TADA3: variants seen among roughly 807,000 people sequenced by gnomAD.
The protein encoded by TADA3 is transcriptional adaptor 3, also known as transcriptional adapter 3.
A neutral mutation model predicts 43.2 loss-of-function variants in TADA3; 25 were observed. The observed-to-expected ratio is 0.58, with a 90% CI of 0.42 to 0.81. The LOEUF (loss-of-function observed/expected upper bound fraction) is 0.81, where lower values mean the gene tolerates loss of function less well. Ranked by LOEUF, TADA3 falls within the 30% of genes least tolerant of loss-of-function variation. The pLI, the probability that TADA3 is intolerant of heterozygous loss-of-function variation, is 0.00. For missense variants in TADA3, 441 were observed against 567.8 expected (o/e 0.78, Z 2.27); for synonymous variants, 235 against 225.5 (o/e 1.04, Z -0.38).
At chr3:9,792,474 G>A (rs2078762876), upstream of TADA3, 1 of 1,195,944 alleles carries the variant, frequency 8.4e-7, no homozygotes, top group Non-Finnish European at 1.0e-6. Context: ...CCCCGGAACT[G>A]GCTATGGGCG....
At chr3:9,786,966 CAA>C in intron 6 of TADA3, 38 bp downstream of exon 6, 1 of 1,551,502 alleles carries the variant, frequency 6.4e-7, no homozygotes, top group Non-Finnish European at 8.9e-7. Flanking sequence ...CATTAAAACA[CAA>C]AGTAAATATG....
chr3:9,784,667 C>A (rs1446737750), intron 7 of TADA3, among the ~76,000 whole-genome samples: 2 of 151,898 alleles, frequency 1.3e-5, no homozygotes, highest in Non-Finnish European at 2.9e-5. Context: ...GAGTTCAAGA[C>A]CAGCCCGGCC....
At position 9,784,185 on chromosome 3, in the gene TADA3, G is replaced by A. The variant is rs372569284; in HGVS notation, c.949C>T (p.Arg317Cys). The A allele has an allele frequency of 8.1e-6, 13 of 1,613,846 alleles. No homozygotes were observed. Among genetic ancestry groups the A allele is most frequent in the East Asian group, 4.5e-5 (2 of 44,866 alleles). The part of the protein sequence containing the change: ...SVPHTKSLES[R>C]IKEELIAQGL... ...TGGGCAATTAGCTCCTCCTTGATGCGGCTCTCCAGGGACTTAGTATGCGGC... is the reference window on the plus strand; with the variant it reads ...TGGGCAATTAGCTCCTCCTTGATGCAGCTCTCCAGGGACTTAGTATGCGGC... The change falls in exon 8 of 9, where the codon CGC (arginine) becomes TGC (cysteine). Residue 317 changes from arginine to cysteine, a missense_variant. Arg to Cys is a radical substitution (Grantham distance 180, BLOSUM62 -3). Transcript: ENST00000301964.
chr3:9,791,017 C>G (rs2078717518), intron 2 of TADA3, among the ~76,000 whole-genome samples: 1 of 152,202 alleles, frequency 6.6e-6, no homozygotes, highest in Admixed American at 6.5e-5. Context: ...GCATAGGACC[C>G]AGAACACAAT....
At chr3:9,787,521 G>A (rs2078644311) in intron 4 of TADA3, 181 bp from the exon 5 acceptor site, 3 of 1,016,184 alleles carry the variant, frequency 3.0e-6, no homozygotes, top group Non-Finnish European at 4.2e-6. Context: ...TCTAGTAAGG[G>A]AGACAGGTCC....
At chr3:9,781,016 T>C (rs1238935566) in intron 8 of TADA3, among the ~76,000 whole-genome samples, 1 of 152,078 alleles carries the variant, frequency 6.6e-6, no homozygotes, top group Non-Finnish European at 1.5e-5. Flanking sequence ...TGCACACCTG[T>C]AGTCCCAACT....
At chr3:9,789,678 C>G (rs967454500) in intron 3 of TADA3, 35 bp downstream of exon 3, 1 of 1,609,284 alleles carries the variant, frequency 6.2e-7, no homozygotes, top group Admixed American at 1.7e-5. Context: ...CCACCAGAAC[C>G]TTGAGGCCCC....
intron 8 of TADA3, among the ~76,000 whole-genome samples, chr3:9,782,431 G>A (rs1434093113): frequency 6.6e-6 from 1 of 152,210 alleles, no homozygotes; most frequent in African/African-American, 2.4e-5. Context: ...ACTTGAGAGA[G>A]TGTACATAAA....
intron 8 of TADA3, among the ~76,000 whole-genome samples, chr3:9,781,326 G>A (rs1455211564): frequency 1.3e-5 from 2 of 151,360 alleles, no homozygotes; most frequent in African/African-American, 4.9e-5. Flanking sequence ...CACACACACA[G>A]GCACACCCAC....
At chr3:9,787,145 A>C (rs372311419) in intron 5 of TADA3, 36 bp from the exon 6 acceptor site, 1 of 1,614,180 alleles carries the variant, frequency 6.2e-7, no homozygotes, top group African/African-American at 1.3e-5. Context: ...AGGTGGGCTG[A>C]AGTTCTGGAA....
intron 1 of TADA3, among the ~76,000 whole-genome samples, chr3:9,791,832 C>T (rs866458423): frequency 7.0e-6 from 1 of 142,692 alleles, no homozygotes. Flanking sequence ...GCACCCTGAT[C>T]ACCATGCTAT....
At chr3:9,792,763 C>G, upstream of TADA3, 1 of 1,245,582 alleles carries the variant, frequency 8.0e-7, no homozygotes. Flanking sequence ...AAGGGCTCGT[C>G]CGCTTCGGCT....
intron 8 of TADA3, 59 bp downstream of exon 8, chr3:9,783,969 T>G: frequency 6.5e-7 from 1 of 1,547,060 alleles, no homozygotes; most frequent in East Asian, 2.3e-5. Context: ...GAAAGGTGAC[T>G]AGCCGTGGCC....
chr3:9,780,323 A>G lies in TADA3; in HGVS notation c.*34T>C, dbSNP rs1192092306. 1.3e-6 allele frequency: 2 copies of G among 1,588,380 alleles called. No individual in the cohort carries two copies. The highest frequency in any genetic ancestry group is 1.7e-6 in the Non-Finnish European group (2 of 1,167,040). ...AAGTGGGCCTCCCTTCCCCTCCCCT[A>G]GGCCAGATAATCAGCCTGAGGCAGG... On this transcript the variant is annotated 3_prime_UTR_variant, in exon 9 of 9. Transcript: ENST00000301964.
intron 2 of TADA3, among the ~76,000 whole-genome samples, chr3:9,790,881 T>A (rs1222798463): frequency 6.6e-6 from 1 of 152,216 alleles, no homozygotes; most frequent in Admixed American, 6.5e-5. Context: ...GGTTTCCCCA[T>A]TCCAGTTCCC....
intron 8 of TADA3, among the ~76,000 whole-genome samples, chr3:9,781,166 C>CTGGGCAAAGTAGCTCA (rs2078452176): frequency 6.6e-6 from 1 of 151,956 alleles, no homozygotes; most frequent in Non-Finnish European, 1.5e-5. Flanking sequence ...ACACAGTAGG[C>CTGGGCAAAGTAGCTCA]TGGGCAAAGT....
intron 4 of TADA3, chr3:9,787,693 T>G (rs1322862203): frequency 7.5e-7 from 1 of 1,328,764 alleles, no homozygotes; most frequent in Admixed American, 2.2e-5. Context: ...TTGTATTGCT[T>G]GAATTTACTG....
chr3:9,791,846 G>T (rs2078743694), intron 1 of TADA3, among the ~76,000 whole-genome samples: 1 of 151,538 alleles, frequency 6.6e-6, no homozygotes. Flanking sequence ...ATGCTATACT[G>T]CTATGCCTTG....
At chr3:9,780,896 T>C (rs1262812106) in intron 8 of TADA3, among the ~76,000 whole-genome samples, 1 of 152,184 alleles carries the variant, frequency 6.6e-6, no homozygotes, top group African/African-American at 2.4e-5. Context: ...CCCAGCACTT[T>C]GGGAGCCCAA....
Sources: allele counts gnomAD v4.1 joint callset (sites outside exome capture counted in the v4.1 genomes callset), GRCh38; gene constraint gnomAD v4.1.1; transcripts MANE v1.5; gene names NCBI Gene and HGNC (gene_info 2026-07-23, HGNC 2026-07-21).